Variants in ADGRD1 observed in about 807,000 individuals in gnomAD.
ADGRD1 encodes the protein adhesion G protein-coupled receptor D1, also known as G-protein coupled receptor 133.
A neutral mutation model predicts 113.4 loss-of-function variants in ADGRD1; 77 were observed. That is an observed-to-expected ratio of 0.68 (90% confidence interval 0.57 to 0.82). ADGRD1 has a LOEUF of 0.82. ADGRD1 is among the 40% of genes least tolerant of loss of function. ADGRD1 has a pLI of 0.00. For synonymous variants in ADGRD1, 474 were observed against 475.0 expected, an observed-to-expected ratio of 1.00 and a Z score of 0.03; for missense variants, 1,036 against 1,139.1, an observed-to-expected ratio of 0.91 and a Z score of 1.30.
chr12:130,955,157 G>GCA (rs1341420241), intron 2 of ADGRD1, among the ~76,000 whole-genome samples: 2 of 53,104 alleles, frequency 3.8e-5, no homozygotes, highest in African/African-American at 1.9e-4. Context: ...TAGAGACAGG[G>GCA]TTTCACTATG....
At chr12:131,040,071 C>T (rs931524273) in intron 13 of ADGRD1, among the ~76,000 whole-genome samples, 19 of 152,212 alleles carry the variant, frequency 1.2e-4, no homozygotes, top group Admixed American at 9.8e-4. Flanking sequence ...ATGACCTTCC[C>T]GGCCCCTGTA....
chr12:130,998,348 C>A (rs912673662), intron 8 of ADGRD1, among the ~76,000 whole-genome samples: 1 of 152,074 alleles, frequency 6.6e-6, no homozygotes, highest in African/African-American at 2.4e-5. Flanking sequence ...TGGCTGGGGA[C>A]CCTGGGGATG....
At position 131,014,273 on chromosome 12, in the gene ADGRD1, C is replaced by T; in HGVS notation, c.1406C>T (p.Pro469Leu). Residue 469 changes from proline to leucine, a missense_variant, in exon 13 of 25, where the codon CCA becomes CTA. Coordinates refer to ENST00000261654, the MANE Select transcript of ADGRD1 (RefSeq NM_198827.5). ...CACCTGATTTCCCTGGAGGTGTCCCCACCACCCACCCTGTCTCAGAACCTG... is the reference window on the plus strand; with the variant it reads ...CACCTGATTTCCCTGGAGGTGTCCCTACCACCCACCCTGTCTCAGAACCTG... Reference protein sequence around the residue: ...TSHLISLEVSPPPTLSQNLSG... With the variant: ...TSHLISLEVSLPPTLSQNLSG... The T allele has an allele frequency of 6.2e-7, 1 of 1,614,066 alleles. No individual in the cohort carries two copies. The highest frequency in any genetic ancestry group is 1.1e-5 in the South Asian group (1 of 91,076).
chr12:131,050,991 C>T lies in ADGRD1; in HGVS notation c.1474-25810C>T, dbSNP rs1593124358. Among the ~76,000 whole-genome samples, 1 of 152,320 alleles carries T rather than the reference C, an allele frequency of 6.6e-6. No homozygotes were observed. Among genetic ancestry groups the T allele is most frequent in the East Asian group, 1.9e-4 (1 of 5,170 alleles). On this transcript the variant is annotated intron_variant, in intron 13 of 24. Coordinates refer to ENST00000261654, the MANE Select transcript of ADGRD1 (RefSeq NM_198827.5). This position sits in a 1 kb window ranked among gnomAD's most constrained non-coding sequence, Gnocchi z 4.8. ...AACAGGCCACGGGCTGGTCCCGGTT[C>T]ACGGCCCGGGTGTTGGGAACCCCTG... is the stretch of plus-strand genomic sequence containing the variant.
chr12:131,042,423 C>T (rs547872815), intron 13 of ADGRD1, among the ~76,000 whole-genome samples: 1 of 152,332 alleles, frequency 6.6e-6, no homozygotes, highest in South Asian at 2.1e-4. Flanking sequence ...CCAGAAACAG[C>T]CTCATGGTAC....
chr12:131,113,837 C>G lies in ADGRD1; in HGVS notation c.2042-4548C>G, dbSNP rs1424813646. On this transcript the variant is annotated intron_variant, in intron 18 of 24. Transcript: ENST00000261654. This position sits in a 1 kb window ranked among gnomAD's most constrained non-coding sequence, Gnocchi z 4.9. Reference sequence around the variant, plus strand: ...ACGCATGACCTGCTTCTTCAGGCCTCTGTGACGCCCCAGAGAGGAGAGCTG... The same window carrying G: ...ACGCATGACCTGCTTCTTCAGGCCTGTGTGACGCCCCAGAGAGGAGAGCTG... Among the ~76,000 whole-genome samples, 1 of 152,210 alleles carries G rather than the reference C, an allele frequency of 6.6e-6. No homozygotes were observed. The highest frequency in any genetic ancestry group is 2.4e-5 in the African/African-American group (1 of 41,456).
chr12:131,126,217 G>C (rs759653685), intron 20 of ADGRD1, among the ~76,000 whole-genome samples: 1 of 152,186 alleles, frequency 6.6e-6, no homozygotes, highest in Admixed American at 6.5e-5. Flanking sequence ...TAATGCTGCT[G>C]TTGTGGGAGT....
chr12:130,974,232 A>G (rs1872044245), intron 4 of ADGRD1, among the ~76,000 whole-genome samples: 1 of 152,206 alleles, frequency 6.6e-6, no homozygotes, highest in Non-Finnish European at 1.5e-5. Context: ...AGACCTGCCC[A>G]GCATTTTCCA....
At chr12:131,021,003 T>C (rs2136867515) in intron 13 of ADGRD1, among the ~76,000 whole-genome samples, 1 of 152,350 alleles carries the variant, frequency 6.6e-6, no homozygotes, top group African/African-American at 2.4e-5. Flanking sequence ...AGAAACCCTA[T>C]GTGTGGGTTG....
chr12:131,086,658 C>G (rs1236383696), intron 15 of ADGRD1, among the ~76,000 whole-genome samples: 1 of 152,208 alleles, frequency 6.6e-6, no homozygotes, highest in African/African-American at 2.4e-5. Context: ...GAGCTGCAGC[C>G]CCTCACAGGG....
At chr12:130,997,075 T>A (rs1211348734) in intron 8 of ADGRD1, among the ~76,000 whole-genome samples, 2 of 101,728 alleles carry the variant, frequency 2.0e-5, no homozygotes, top group East Asian at 3.8e-4. Flanking sequence ...CACTTCCCAG[T>A]AGGGGCGGCC....
At chr12:131,087,535 T>G (rs763879515) in intron 15 of ADGRD1, among the ~76,000 whole-genome samples, 3 of 152,116 alleles carry the variant, frequency 2.0e-5, no homozygotes, top group Non-Finnish European at 4.4e-5. Context: ...GCCGTGGGGT[T>G]TTAGAGGTTC....
At chr12:130,987,809 G>A (rs1873887458) in intron 6 of ADGRD1, 1 of 185,136 alleles carries the variant, frequency 5.4e-6, no homozygotes, top group South Asian at 1.2e-4. Flanking sequence ...GCCATAATGA[G>A]CCGTGAGACT....
chr12:131,087,290 G>A (rs1379870682), intron 15 of ADGRD1, among the ~76,000 whole-genome samples: 1 of 152,164 alleles, frequency 6.6e-6, no homozygotes, highest in Admixed American at 6.5e-5. Flanking sequence ...TGGATAGGAG[G>A]GGGCACCATT....
At chr12:131,071,152 G>A (rs993376372) in intron 13 of ADGRD1, among the ~76,000 whole-genome samples, 3 of 147,338 alleles carry the variant, frequency 2.0e-5, no homozygotes, top group African/African-American at 7.5e-5. Context: ...AAGGAGGTGG[G>A]GCTAAGTGAA....
intron 13 of ADGRD1, chr12:131,035,034 A>G (rs11061293): frequency 0.48 from 73,430 of 152,208 alleles, 19,878 homozygotes; most frequent in Non-Finnish European, 0.61. Flanking sequence ...TGTCACTCAG[A>G]GTGAAGACAG....
intron 13 of ADGRD1, among the ~76,000 whole-genome samples, chr12:131,071,480 G>C (rs1885166440): frequency 1.3e-5 from 2 of 152,164 alleles, no homozygotes. Context: ...TAATGTGAGT[G>C]GGGTGGAGTT....
At chr12:131,011,411 T>G (rs2136791688) in intron 12 of ADGRD1, among the ~76,000 whole-genome samples, 1 of 152,152 alleles carries the variant, frequency 6.6e-6, no homozygotes, top group South Asian at 2.1e-4. Flanking sequence ...AATGTTTTCC[T>G]TATGTTTTTC....
At chr12:130,957,172 A>G (rs12823266) in intron 2 of ADGRD1, 42,739 of 152,326 alleles carry the variant, frequency 0.28, 6,569 homozygotes, top group East Asian at 0.58. Context: ...ACGTGCATCA[A>G]CATACATGTA....
Sources: gnomAD v4.1 joint callset for allele counts (sites outside exome capture counted in the v4.1 genomes callset) on GRCh38, gnomAD v4.1.1 for gene constraint, Gnocchi (gnomAD v3.1) non-coding constraint, MANE v1.5 for transcripts, NCBI Gene and HGNC (gene_info 2026-07-23, HGNC 2026-07-21) for gene names.